COX5A: variants seen among roughly 807,000 people sequenced by gnomAD.
COX5A encodes the protein cytochrome c oxidase subunit 5A.
In COX5A, 6 loss-of-function variants were observed where a neutral mutation model predicts 16.1. The observed-to-expected ratio is 0.37, with a 90% confidence interval of 0.20 to 0.73. COX5A has a LOEUF of 0.73. COX5A is among the 30% of genes least tolerant of loss of function. The pLI is 0.50. For missense variants in COX5A, 159 were observed against 194.9 expected, an observed-to-expected ratio of 0.82 and a Z score of 1.10; for synonymous variants, 73 against 73.8, an observed-to-expected ratio of 0.99 and a Z score of 0.06.
intron 4 of COX5A, 165 bp downstream of exon 4, chr15:74,923,483 C>A: frequency 1.9e-6 from 1 of 515,264 alleles, no homozygotes; most frequent in Non-Finnish European, 3.4e-6. Flanking sequence ...GAAATCATTT[C>A]AGTTCTTTAA....
intron 4 of COX5A, among the ~76,000 whole-genome samples, chr15:74,920,657 T>C (rs2065315682): frequency 6.6e-6 from 1 of 152,184 alleles, no homozygotes; most frequent in South Asian, 2.1e-4. Flanking sequence ...ATCAGAAAAG[T>C]GTCCAGTAGC....
At chr15:74,931,071 T>G (rs928407709) in intron 1 of COX5A, among the ~76,000 whole-genome samples, 16 of 79,620 alleles carry the variant, frequency 2.0e-4, no homozygotes, top group Non-Finnish European at 3.7e-4. Flanking sequence ...TATTCCAAAA[T>G]AAATTACACA....
intron 3 of COX5A, among the ~76,000 whole-genome samples, chr15:74,924,096 G>T (rs956624660): frequency 6.6e-6 from 1 of 152,086 alleles, no homozygotes; most frequent in African/African-American, 2.4e-5. Context: ...AGGAGAATCG[G>T]CTTGAACCCG....
chr15:74,922,473 T>G (rs773872424), intron 4 of COX5A, among the ~76,000 whole-genome samples: 1 of 152,034 alleles, frequency 6.6e-6, no homozygotes, highest in South Asian at 2.1e-4. Context: ...AATATAAAAA[T>G]TCCTTGAATT....
At chr15:74,934,756 C>T (rs1595863679) in intron 1 of COX5A, among the ~76,000 whole-genome samples, 1 of 152,084 alleles carries the variant, frequency 6.6e-6, no homozygotes, top group South Asian at 2.1e-4. Flanking sequence ...CTGCCCCACA[C>T]ACCCCACCCC....
At position 74,937,067 on chromosome 15, in the gene COX5A, A is replaced by G. The variant is rs1384510668; in HGVS notation, c.100+848T>C. 2.0e-5 allele frequency among the ~76,000 whole-genome samples: 3 copies of G among 152,138 alleles called. No homozygotes were observed. In the East Asian group the frequency reaches 5.8e-4, roughly 29 times the overall value. ...TATGCATGCATAGAAGCTAAATTTCACGGACCAAGATCGAAGTGCAATTAC... is the reference window on the plus strand; with the variant it reads ...TATGCATGCATAGAAGCTAAATTTCGCGGACCAAGATCGAAGTGCAATTAC... On this transcript the variant is annotated intron_variant, in intron 1 of 4. Coordinates refer to ENST00000322347, the MANE Select transcript of COX5A (RefSeq NM_004255.4).
intron 3 of COX5A, among the ~76,000 whole-genome samples, chr15:74,925,613 C>T (rs1040648261): frequency 1.3e-5 from 2 of 152,054 alleles, no homozygotes. Flanking sequence ...GTCTCGAACT[C>T]TTGACCTCAG....
chr15:74,920,135 A>T lies in COX5A; in HGVS notation c.*317T>A, dbSNP rs1171512723. On this transcript the variant is annotated 3_prime_UTR_variant, in exon 5 of 5. Transcript: ENST00000322347. ...CAAGCTAGGGCACCCAAACATATTA[A>T]TGAAGCTGATTTTCATGTCAGATGG... is the stretch of plus-strand genomic sequence containing the variant. 2.0e-6 allele frequency: 1 copy of T among 490,692 alleles called. No individual in the cohort carries two copies. Among genetic ancestry groups the T allele is most frequent in the African/African-American group, 2.0e-5 (1 of 48,966 alleles). The allele number at this position is 490,692 out of a possible 1,614,324, so 30.4% of individuals were successfully genotyped here.
intron 1 of COX5A, among the ~76,000 whole-genome samples, chr15:74,932,699 CTTT>C (rs1345605981): frequency 4.3e-5 from 6 of 140,486 alleles, no homozygotes; most frequent in Non-Finnish European, 1.6e-5. Context: ...GTTTTAATTT[CTTT>C]TTTTTTTTTT....
At chr15:74,935,002 T>C (rs983270227) in intron 1 of COX5A, among the ~76,000 whole-genome samples, 2 of 152,240 alleles carry the variant, frequency 1.3e-5, no homozygotes, top group African/African-American at 4.8e-5. Flanking sequence ...TATAGAAAAA[T>C]AAAAGGGCTC....
At chr15:74,921,708 C>T (rs182266307) in intron 4 of COX5A, among the ~76,000 whole-genome samples, 1 of 151,868 alleles carries the variant, frequency 6.6e-6, no homozygotes, top group South Asian at 2.1e-4. Context: ...CCAGCCTGGG[C>T]GACAGAGTGA....
At chr15:74,925,020 CAAAA>C (rs1212192987) in intron 3 of COX5A, among the ~76,000 whole-genome samples, 8 of 152,056 alleles carry the variant, frequency 5.3e-5, no homozygotes, top group Admixed American at 5.2e-4. Context: ...AATAAGAAGT[CAAAA>C]GAACTAAGAA....
In COX5A at chr15:74,920,296, CTTTTA is replaced by C; in HGVS notation, c.*151_*155del. On this transcript the variant is annotated 3_prime_UTR_variant, in exon 5 of 5. Transcript: ENST00000322347. ...CTAATTTCAGTTCAAACTCATTTCC[CTTTTA>C]TTAAAGTCCAAGTTACCATTACATG... The C allele has an allele frequency of 1.6e-6, 1 of 642,672 alleles. No individual in the cohort carries two copies. The highest frequency in any genetic ancestry group is 2.7e-6 in the Non-Finnish European group (1 of 364,768). The allele number at this position is 642,672 out of a possible 1,614,324, so 39.8% of individuals were successfully genotyped here.
In COX5A at chr15:74,929,500, C is replaced by T. The variant is rs141495594; in HGVS notation, c.101-268G>A. Among the ~76,000 whole-genome samples, 556 of 152,284 alleles carry T rather than the reference C, an allele frequency of 3.7e-3. 4 individuals carry two copies. Among genetic ancestry groups the T allele is most frequent in the Non-Finnish European group, 6.5e-3 (441 of 68,028 alleles). Reference sequence around the variant, plus strand: ...GCTTGAAATTATTAACAGTGGTTCCCTCTGATTTTAAATTAACAGTGATTA... The same window carrying T: ...GCTTGAAATTATTAACAGTGGTTCCTTCTGATTTTAAATTAACAGTGATTA... On this transcript the variant is annotated intron_variant, in intron 1 of 4. Transcript: ENST00000322347.
At chr15:74,922,500 C>CTATG (rs1361187010) in intron 4 of COX5A, among the ~76,000 whole-genome samples, 1 of 151,684 alleles carries the variant, frequency 6.6e-6, no homozygotes, top group Non-Finnish European at 1.5e-5. Flanking sequence ...ATTTTTCTTT[C>CTATG]TATGTATGTA....
intron 4 of COX5A, among the ~76,000 whole-genome samples, chr15:74,921,440 A>G (rs2065320277): frequency 6.7e-6 from 1 of 149,908 alleles, no homozygotes; most frequent in South Asian, 2.1e-4. Context: ...AAAGAATATC[A>G]ATCACAGGGC....
intron 1 of COX5A, among the ~76,000 whole-genome samples, chr15:74,932,927 A>C (rs1595863182): frequency 6.6e-6 from 1 of 151,168 alleles, no homozygotes; most frequent in Admixed American, 6.6e-5. Context: ...CGAACTCTTG[A>C]CCTCATGATC....
chr15:74,933,384 G>C (rs1348871613), intron 1 of COX5A, among the ~76,000 whole-genome samples: 1 of 149,816 alleles, frequency 6.7e-6, no homozygotes, highest in Non-Finnish European at 1.5e-5. Context: ...ATTCCAGCCT[G>C]GGCGACAGAG....
chr15:74,930,889 C>T lies in COX5A; in HGVS notation c.101-1657G>A, dbSNP rs1458249541. Among the ~76,000 whole-genome samples, 9 of 150,220 alleles carry T rather than the reference C, an allele frequency of 6.0e-5. No individual in the cohort carries two copies. The South Asian group carries it at 8.4e-4, about 14-fold the overall frequency. On this transcript the variant is annotated intron_variant, in intron 1 of 4. Transcript: ENST00000322347. ...AAAATTAGCCAGGTGTGGTGGCGGGCGCCTGTGGTCCCACCTAGTTGGGAG... is the reference window on the plus strand; with the variant it reads ...AAAATTAGCCAGGTGTGGTGGCGGGTGCCTGTGGTCCCACCTAGTTGGGAG...
Sources: allele counts gnomAD v4.1 joint callset (sites outside exome capture counted in the v4.1 genomes callset), GRCh38; gene constraint gnomAD v4.1.1; transcripts MANE v1.5; gene names NCBI Gene and HGNC (gene_info 2026-07-23, HGNC 2026-07-21).